ING1: variants seen among roughly 807,000 people sequenced by gnomAD.
ING1 encodes the protein inhibitor of growth family member 1.
ING1 carries 4 observed loss-of-function variants against 23.1 expected under a neutral mutation model. That is an observed-to-expected ratio of 0.17 (90% confidence interval 0.09 to 0.40). The LOEUF is 0.40. Among genes scored for constraint, ING1 ranks in the 10% least tolerant of loss-of-function variants. ING1 has a pLI of 1.00. For missense variants in ING1, 256 were observed against 393.8 expected (o/e 0.65, Z 2.96); for synonymous variants, 179 against 166.4 (o/e 1.08, Z -0.58).
intron 1 of ING1, chr13:110,714,862 C>A (rs1288945630): frequency 3.7e-6 from 2 of 534,348 alleles, no homozygotes; most frequent in Non-Finnish European, 4.8e-6. Context: ...CCCCTCCGGC[C>A]CTCACTTGGA....
At chr13:110,713,406 C>T, upstream of ING1, 2 of 1,019,540 alleles carry the variant, frequency 2.0e-6, no homozygotes, top group Non-Finnish European at 2.3e-6. Context: ...CTGTGCCGCC[C>T]AACAGGCTCT....
At chr13:110,712,990 C>T (rs2064051935), upstream of ING1, 4 of 1,549,648 alleles carry the variant, frequency 2.6e-6, no homozygotes, top group Non-Finnish European at 3.5e-6. Context: ...AGGTCTCCCG[C>T]GCACTCTGCG....
chr13:110,715,885 C>G, intron 1 of ING1: 1 of 1,589,616 alleles, frequency 6.3e-7, no homozygotes, highest in Non-Finnish European at 8.5e-7. Flanking sequence ...GATCCCGGGC[C>G]TGTGGGCTCG....
At chr13:110,716,334 C>A (rs1017807612) in intron 1 of ING1, among the ~76,000 whole-genome samples, 2 of 152,110 alleles carry the variant, frequency 1.3e-5, no homozygotes. Context: ...GTCCTGCCCC[C>A]CCGGGAGTAC....
In ING1 at chr13:110,713,858, C is replaced by G. The variant is rs958911021; in HGVS notation, c.-292C>G. On this transcript the variant is annotated 5_prime_UTR_variant, in exon 1 of 2. Coordinates refer to ENST00000333219, the MANE Select transcript of ING1 (RefSeq NM_198219.3). ...CCGCCGGTGTGTGCGCGCTCGTACG[C>G]GCGGCCCCCGGCGCCAGCCCCGCCG... The G allele has an allele frequency of 4.1e-6, 4 of 981,824 alleles. No homozygotes were observed. The South Asian group carries it at 1.4e-4, about 35-fold the overall frequency. The allele number at this position is 981,824 out of a possible 1,614,324, so 60.8% of individuals were successfully genotyped here.
At position 110,713,712 on chromosome 13, in the gene ING1, TTGGACAAGTGCGGC is replaced by T; in HGVS notation, c.-436_-423del. The T allele has an allele frequency of 1.0e-6, 1 of 985,202 alleles. No homozygotes were observed. Among genetic ancestry groups the T allele is most frequent in the South Asian group, 4.7e-5 (1 of 21,286 alleles). 61.0% of individuals were successfully genotyped at this position (985,202 alleles called of 1,614,324 possible). A position where few individuals can be genotyped will look rare whatever the true frequency, so the allele number is the denominator to read the frequency against. ...GAAACTGGTATTTGGGTTTTCCACG[TTGGACAAGTGCGGC>T]TCGGCGGCCAGCGGAGCGCGCCCCT... On this transcript the variant is annotated 5_prime_UTR_variant, in exon 1 of 2. Transcript: ENST00000333219.
In ING1 at chr13:110,719,987, A is replaced by G; in HGVS notation, c.*55A>G. 1 of 1,277,386 alleles carries G rather than the reference A, an allele frequency of 7.8e-7. No individual in the cohort carries two copies. Among genetic ancestry groups the G allele is most frequent in the Non-Finnish European group, 1.1e-6 (1 of 925,452 alleles). 79.1% of individuals were successfully genotyped at this position (1,277,386 alleles called of 1,614,324 possible). A position where few individuals can be genotyped will look rare whatever the true frequency, so the allele number is the denominator to read the frequency against. ...ACAAAATAAACCGTGTATTTATTAC[A>G]TTGCTGCCTTTGTTGAGGTGCAAGG... On this transcript the variant is annotated 3_prime_UTR_variant, in exon 2 of 2. Transcript: ENST00000333219. This position sits in a 1 kb window ranked among gnomAD's most constrained non-coding sequence, Gnocchi z 8.9.
At position 110,720,714 on chromosome 13, in the gene ING1, C is replaced by G. The variant is rs575299427; in HGVS notation, c.*782C>G. The G allele has an allele frequency of 6.0e-6, 1 of 167,108 alleles. No individual in the cohort carries two copies. Among genetic ancestry groups the G allele is most frequent in the Non-Finnish European group, 1.5e-5 (1 of 68,136 alleles). The allele number at this position is 167,108 out of a possible 1,614,324, so 10.4% of individuals were successfully genotyped here. Reference sequence around the variant, plus strand: ...ACAATTATGTGCAAAGGTGTGCTTCCTGCTGTATGTGAGCTGTAAAAATGT... The same window carrying G: ...ACAATTATGTGCAAAGGTGTGCTTCGTGCTGTATGTGAGCTGTAAAAATGT... On this transcript the variant is annotated 3_prime_UTR_variant, in exon 2 of 2. Transcript: ENST00000333219.
At chr13:110,716,331 C>T (rs1323238335) in intron 1 of ING1, among the ~76,000 whole-genome samples, 1 of 152,054 alleles carries the variant, frequency 6.6e-6, no homozygotes, top group Non-Finnish European at 1.5e-5. Context: ...ACAGTCCTGC[C>T]CCCCCGGGAG....
chr13:110,712,981 G>A (rs372877159), upstream of ING1: 2 of 1,555,168 alleles, frequency 1.3e-6, no homozygotes, highest in Non-Finnish European at 8.7e-7. Flanking sequence ...GGAATGGGTA[G>A]GTCTCCCGCG....
upstream of ING1, chr13:110,713,218 T>C (rs1480326947): frequency 1.4e-5 from 20 of 1,417,618 alleles, no homozygotes; most frequent in Non-Finnish European, 1.7e-5. Context: ...TTGCCAGTTC[T>C]GTTTCGGGCC....
At position 110,720,282 on chromosome 13, in the gene ING1, G is replaced by C. The variant is rs961645375; in HGVS notation, c.*350G>C. 5.6e-6 allele frequency: 1 copy of C among 177,148 alleles called. No homozygotes were observed. The highest frequency in any genetic ancestry group is 2.4e-5 in the African/African-American group (1 of 41,786). The allele number at this position is 177,148 out of a possible 1,614,324, so 11.0% of individuals were successfully genotyped here. A position where few individuals can be genotyped will look rare whatever the true frequency, so the allele number is the denominator to read the frequency against. Reference sequence around the variant, plus strand: ...ATTTAGCTTTTTTATTTTAATACAAGTAATATTATTACTTTATGAACAATT... The same window carrying C: ...ATTTAGCTTTTTTATTTTAATACAACTAATATTATTACTTTATGAACAATT... On this transcript the variant is annotated 3_prime_UTR_variant, in exon 2 of 2. Coordinates refer to ENST00000333219, the MANE Select transcript of ING1 (RefSeq NM_198219.3).
chr13:110,715,355 T>TC, intron 1 of ING1: 1 of 1,483,830 alleles, frequency 6.7e-7, no homozygotes, highest in South Asian at 1.4e-5. Flanking sequence ...GCGCGTTCTA[T>TC]CCGAGACGTA....
At chr13:110,713,292 T>G (rs1294821715), upstream of ING1, 13 of 1,275,882 alleles carry the variant, frequency 1.0e-5, no homozygotes, top group Non-Finnish European at 1.3e-5. Context: ...GTTGCGGTAG[T>G]TGCTGTGTAC....
chr13:110,719,791 C>T lies in ING1; in HGVS notation c.699C>T (p.Ile233=). 1.2e-6 allele frequency: 2 copies of T among 1,614,008 alleles called. No individual in the cohort carries two copies. The highest frequency in any genetic ancestry group is 1.1e-5 in the South Asian group (1 of 91,076). Residue 233 remains isoleucine, a synonymous_variant, in exon 2 of 2, where the codon ATC becomes ATT. Transcript: ENST00000333219. The surrounding 1 kb of genome is among the most constrained non-coding windows in gnomAD (Gnocchi z 8.9). The part of the protein sequence containing the change: ...MIGCDNDECP[I]EWFHFSCVGL... ...GCTGCGACAACGACGAGTGCCCCATCGAGTGGTTCCACTTCTCGTGCGTGG... is the reference window on the plus strand; with the variant it reads ...GCTGCGACAACGACGAGTGCCCCATTGAGTGGTTCCACTTCTCGTGCGTGG...
chr13:110,715,779 T>C (rs748101963), intron 1 of ING1: 1 of 1,591,364 alleles, frequency 6.3e-7, no homozygotes, highest in East Asian at 2.3e-5. Flanking sequence ...CCCGCTGGCC[T>C]CCTCCCCATT....
upstream of ING1, chr13:110,713,159 C>T: frequency 7.0e-7 from 1 of 1,429,266 alleles, no homozygotes; most frequent in Non-Finnish European, 9.1e-7. Context: ...TCCTCTTCAT[C>T]GTGATTGGGC....
chr13:110,713,576 G>C (rs2064066006), upstream of ING1: 1 of 985,748 alleles, frequency 1.0e-6, no homozygotes. Context: ...CAGCCCCCAG[G>C]GCCTGGGACG....
At chr13:110,716,332 C>T (rs79104953) in intron 1 of ING1, among the ~76,000 whole-genome samples, 1 of 152,096 alleles carries the variant, frequency 6.6e-6, no homozygotes, top group Non-Finnish European at 1.5e-5. Flanking sequence ...CAGTCCTGCC[C>T]CCCCGGGAGT....
Sources: gnomAD v4.1 joint callset for allele counts (sites outside exome capture counted in the v4.1 genomes callset) on GRCh38, gnomAD v4.1.1 for gene constraint, Gnocchi (gnomAD v3.1) non-coding constraint, MANE v1.5 for transcripts, NCBI Gene and HGNC (gene_info 2026-07-23, HGNC 2026-07-21) for gene names.